RPS6KA2: variants seen among roughly 807,000 people sequenced by gnomAD.
RPS6KA2 encodes the protein ribosomal protein S6 kinase alpha-2.
In RPS6KA2, 42 loss-of-function variants were observed where a neutral mutation model predicts 91.8. The ratio of observed to expected loss-of-function variants is 0.46; its 90% CI spans 0.36 to 0.59. The LOEUF (loss-of-function observed/expected upper bound fraction) is 0.59. Among genes scored for constraint, RPS6KA2 ranks in the 20% least tolerant of loss-of-function variants. RPS6KA2 has a pLI of 0.00. For synonymous variants in RPS6KA2, 414 were observed against 393.6 expected, an observed-to-expected ratio of 1.05 and a Z score of -0.61; for missense variants, 798 against 978.5, an observed-to-expected ratio of 0.82 and a Z score of 2.46.
intron 2 of RPS6KA2, among the ~76,000 whole-genome samples, chr6:166,779,752 A>G (rs927258413): frequency 1.3e-5 from 2 of 152,180 alleles, no homozygotes; most frequent in South Asian, 4.2e-4. Context: ...CTCACCAGGC[A>G]GAAGAGGAAC....
Position 166,423,814 on chromosome 6 carries a change from C to T in RPS6KA2, c.1582-397G>A, listed in dbSNP as rs1465337690. ...AATAACTACTCCCTGTGTGCCCACCCCCATGCACTGTGAGGTGTTGGAGCA... is the reference window on the plus strand; with the variant it reads ...AATAACTACTCCCTGTGTGCCCACCTCCATGCACTGTGAGGTGTTGGAGCA... On this transcript the variant is annotated intron_variant, in intron 16 of 20. Transcript: ENST00000265678. This position sits in a 1 kb window ranked among gnomAD's most constrained non-coding sequence, Gnocchi z 4.8. The T allele has an allele frequency of 3.6e-5, 6 of 167,274 alleles. No homozygotes were observed. The highest frequency in any genetic ancestry group is 6.4e-5 in the Non-Finnish European group (5 of 77,688). 10.4% of individuals were successfully genotyped at this position (167,274 alleles called of 1,614,324 possible).
At chr6:166,672,379 TA>T (rs1788496407) in intron 2 of RPS6KA2, among the ~76,000 whole-genome samples, 1 of 152,152 alleles carries the variant, frequency 6.6e-6, no homozygotes, top group South Asian at 2.1e-4. Context: ...ATAACAAGCA[TA>T]ACCAGTCAAC....
Position 166,410,279 on chromosome 6 carries a change from T to C in RPS6KA2, c.*2483A>G, listed in dbSNP as rs1158222207. On this transcript the variant is annotated 3_prime_UTR_variant, in exon 21 of 21. Transcript: ENST00000265678. ...AAATCATACGGAGCATTTCATTCGT[T>C]GTGGAGGTGCGCTGAGCTGGCAAAA... 4 of 152,188 alleles carry C rather than the reference T, an allele frequency of 2.6e-5. No individual in the cohort carries two copies. The highest frequency in any genetic ancestry group is 5.9e-5 in the Non-Finnish European group (4 of 68,022). 9.4% of individuals were successfully genotyped at this position (152,188 alleles called of 1,614,324 possible). A position where few individuals can be genotyped will look rare whatever the true frequency, so the allele number is the denominator to read the frequency against.
chr6:166,584,296 C>T (rs1162753884), intron 1 of RPS6KA2, among the ~76,000 whole-genome samples: 3 of 152,168 alleles, frequency 2.0e-5, no homozygotes, highest in African/African-American at 7.2e-5. Context: ...GACACTACTC[C>T]CATCGAATCA....
At chr6:166,752,124 G>T (rs1163721110) in intron 2 of RPS6KA2, among the ~76,000 whole-genome samples, 1 of 152,228 alleles carries the variant, frequency 6.6e-6, no homozygotes, top group Non-Finnish European at 1.5e-5. Flanking sequence ...TAAAATCAAT[G>T]CTTATTATTT....
At chr6:166,739,316 C>G (rs1252285061) in intron 2 of RPS6KA2, among the ~76,000 whole-genome samples, 2 of 152,190 alleles carry the variant, frequency 1.3e-5, no homozygotes, top group Admixed American at 1.3e-4. Flanking sequence ...ACACTTTAAG[C>G]AGATAAACTT....
chr6:166,718,963 A>G (rs1463228403), intron 2 of RPS6KA2, among the ~76,000 whole-genome samples: 1 of 152,222 alleles, frequency 6.6e-6, no homozygotes, highest in African/African-American at 2.4e-5. Context: ...AGGATTAAAA[A>G]CATTAACATT....
At chr6:166,421,928 C>T (rs1778734122) in intron 17 of RPS6KA2, among the ~76,000 whole-genome samples, 1 of 152,044 alleles carries the variant, frequency 6.6e-6, no homozygotes, top group Non-Finnish European at 1.5e-5. Context: ...GAGACGGAGT[C>T]CTGCTCTTTC....
In RPS6KA2 at chr6:166,755,609, C is replaced by T. The variant is rs867125763; in HGVS notation, c.123+102591G>A. ...CGCAGGGCTGGGGGTCCTTTCGACA[C>T]GCACCATGGCTGCTGCGCTCCGGCC... On this transcript the variant is annotated intron_variant, in intron 2 of 21. Transcript: ENST00000503859. 6.6e-5 allele frequency among the ~76,000 whole-genome samples: 10 copies of T among 152,178 alleles called. No homozygotes were observed. In the East Asian group the frequency reaches 1.3e-3, roughly 20 times the overall value.
At chr6:166,519,934 C>A (rs1307584462) in intron 3 of RPS6KA2, among the ~76,000 whole-genome samples, 2 of 152,230 alleles carry the variant, frequency 1.3e-5, no homozygotes, top group East Asian at 3.9e-4. Context: ...ACCATGATTT[C>A]TGGGTGTGTG....
In RPS6KA2 at chr6:166,704,600, GC is replaced by G. The variant is rs1243399424; in HGVS notation, c.123+153599del. Reference sequence around the variant, plus strand: ...CAGGAACACACTTGGATGCCCATCGGCCCCAGGTTTCTTCTGCTGGTCCTGT... The same window carrying G: ...CAGGAACACACTTGGATGCCCATCGGCCCAGGTTTCTTCTGCTGGTCCTGT... On this transcript the variant is annotated intron_variant, in intron 2 of 21. Coordinates refer to the RPS6KA2 transcript ENST00000503859. 2.6e-5 allele frequency among the ~76,000 whole-genome samples: 4 copies of G among 152,228 alleles called. No homozygotes were observed. The South Asian group carries it at 8.3e-4, about 32-fold the overall frequency.
At chr6:166,546,328 T>A (rs929212802) in intron 1 of RPS6KA2, among the ~76,000 whole-genome samples, 5 of 152,128 alleles carry the variant, frequency 3.3e-5, no homozygotes, top group African/African-American at 1.2e-4. Flanking sequence ...GGCAGTGGGA[T>A]GAGTGCCCAA....
intron 14 of RPS6KA2, among the ~76,000 whole-genome samples, chr6:166,442,973 G>A (rs181025004): frequency 2.8e-4 from 42 of 152,174 alleles, no homozygotes; most frequent in Admixed American, 2.5e-3. Context: ...TTTTGACTTC[G>A]CCAAAACCTA....
intron 1 of RPS6KA2, among the ~76,000 whole-genome samples, chr6:166,605,639 G>A (rs1423671054): frequency 6.6e-6 from 1 of 152,176 alleles, no homozygotes; most frequent in African/African-American, 2.4e-5. Context: ...TGTAGAGTAT[G>A]ATTTAATGTG....
chr6:166,779,507 C>A (rs1183175679), intron 2 of RPS6KA2, among the ~76,000 whole-genome samples: 1 of 152,150 alleles, frequency 6.6e-6, no homozygotes, highest in Admixed American at 6.5e-5. Context: ...GCTTGTGACC[C>A]CAACCCTTGG....
chr6:166,759,143 T>A (rs1583087458), intron 2 of RPS6KA2, among the ~76,000 whole-genome samples: 2 of 152,154 alleles, frequency 1.3e-5, no homozygotes, highest in Admixed American at 6.5e-5. Flanking sequence ...ATACTTCAGG[T>A]AAATAACAAC....
In RPS6KA2 at chr6:166,740,066, GTGAGGAGC is replaced by G. The variant is rs547145575; in HGVS notation, c.123+118126_123+118133del. On this transcript the variant is annotated intron_variant, in intron 2 of 21. Coordinates refer to the RPS6KA2 transcript ENST00000503859. ...GCCCAGGGCCCTGATGTCCCAGTGG[GTGAGGAGC>G]TGGTCCCTGAGCATTCTCTATGAAC... Among the ~76,000 whole-genome samples, 494 of 152,342 alleles carry G rather than the reference GTGAGGAGC, an allele frequency of 3.2e-3. 2 individuals carry two copies. The highest frequency in any genetic ancestry group is 3.8e-3 in the Non-Finnish European group (257 of 68,030).
intron 2 of RPS6KA2, among the ~76,000 whole-genome samples, chr6:166,829,628 G>A (rs1469980236): frequency 6.8e-6 from 1 of 148,014 alleles, no homozygotes; most frequent in Non-Finnish European, 1.5e-5. Flanking sequence ...ATTATTATAT[G>A]GTCCATCAAT....
chr6:166,625,242 C>T (rs777792036), intron 1 of RPS6KA2, among the ~76,000 whole-genome samples: 2 of 151,972 alleles, frequency 1.3e-5, no homozygotes, highest in African/African-American at 2.4e-5. Flanking sequence ...CCCATTTGAC[C>T]TCCTACATCG....
Sources: allele counts gnomAD v4.1 joint callset (sites outside exome capture counted in the v4.1 genomes callset), GRCh38; gene constraint gnomAD v4.1.1; non-coding constraint Gnocchi (gnomAD v3.1); transcripts MANE v1.5; gene names NCBI Gene and HGNC (gene_info 2026-07-23, HGNC 2026-07-21).